The following TENM3 variants were observed in gnomAD, a reference collection of about 807,000 sequenced individuals.
TENM3 encodes teneurin transmembrane protein 3, also known as teneurin-3.
In TENM3, 63 loss-of-function variants were observed where a neutral mutation model predicts 255.1. The ratio of observed to expected loss-of-function variants is 0.25; its 90% CI spans 0.20 to 0.30. TENM3 has a LOEUF of 0.30. TENM3 is among the 10% of genes least tolerant of loss of function. The probability of loss-of-function intolerance (pLI) is 1.00; values close to 1 mark genes in which losing one functional copy is unlikely to be tolerated. For missense variants in TENM3, 2,929 were observed against 3,461.1 expected, an observed-to-expected ratio of 0.85 and a Z score of 3.86; for synonymous variants, 1,306 against 1,322.3, an observed-to-expected ratio of 0.99 and a Z score of 0.27.
chr4:181,852,786 A>G, the TENM3 span, among the ~76,000 whole-genome samples: 55 of 152,352 alleles, frequency 3.6e-4, 1 homozygote, highest in Non-Finnish European at 7.1e-4. Flanking sequence ...AGTTGCTATT[A>G]TAATCCTGGT....
intron 1 of TENM3, among the ~76,000 whole-genome samples, chr4:182,264,537 G>A (rs1047859212): frequency 2.0e-5 from 3 of 152,168 alleles, no homozygotes; most frequent in Non-Finnish European, 2.9e-5. Flanking sequence ...CTCCTTCTGG[G>A]AAAAAAGACA....
chr4:182,136,138 G>A, the TENM3 span, among the ~76,000 whole-genome samples: 39 of 152,030 alleles, frequency 2.6e-4, no homozygotes, highest in Non-Finnish European at 4.4e-5. Context: ...TGTAGTTTTG[G>A]AAAGCTGGTA....
At chr4:181,994,192 T>C in the TENM3 span, among the ~76,000 whole-genome samples, 1 of 152,188 alleles carries the variant, frequency 6.6e-6, no homozygotes, top group East Asian at 1.9e-4. Context: ...TGCATTGTTT[T>C]ACAATAAGCA....
chr4:182,110,443 G>A, the TENM3 span, among the ~76,000 whole-genome samples: 4 of 151,896 alleles, frequency 2.6e-5, no homozygotes, highest in Admixed American at 2.0e-4. Context: ...TCCCTCCTCA[G>A]CCTCCCGAGT....
chr4:182,769,551 A>C (rs904504780), intron 22 of TENM3, among the ~76,000 whole-genome samples: 10 of 151,958 alleles, frequency 6.6e-5, no homozygotes, highest in African/African-American at 2.4e-4. Context: ...TGGGAGGCCG[A>C]GGCGGGAGGA....
At chr4:182,323,076 A>G (rs2150496915) in intron 1 of TENM3, among the ~76,000 whole-genome samples, 1 of 151,766 alleles carries the variant, frequency 6.6e-6, no homozygotes, top group East Asian at 1.9e-4. Context: ...GCCCCGGGCC[A>G]CTCTCCCTCT....
At chr4:182,752,117 C>T (rs1301577273) in intron 20 of TENM3, 85 bp downstream of exon 20, 11 of 857,616 alleles carry the variant, frequency 1.3e-5, no homozygotes, top group African/African-American at 5.7e-5. Context: ...AGTGCCTAGT[C>T]ATGTTTAATG....
At chr4:182,491,318 A>G (rs1170538686) in intron 3 of TENM3, among the ~76,000 whole-genome samples, 1 of 152,106 alleles carries the variant, frequency 6.6e-6, no homozygotes, top group East Asian at 1.9e-4. Flanking sequence ...TCCCTAATGT[A>G]TGTCACTGAA....
Position 182,232,132 on chromosome 4 carries a change from G to A in TENM3, c.-76+87378G>A, listed in dbSNP as rs146872775. Among the ~76,000 whole-genome samples the A allele has an allele frequency of 2.6e-4, 39 of 152,196 alleles. 1 individual carries two copies. The South Asian group carries it at 4.2e-3, about 16-fold the overall frequency. The stretch of plus-strand genomic sequence containing the variant: ...TTTGGAAAAATTAATTGTTGGTAGC[G>A]TATATACAAATGTCTATTCCGGGAA... On this transcript the variant is annotated intron_variant, in intron 1 of 2. Coordinates refer to the TENM3 transcript ENST00000512480.
intron 1 of TENM3, among the ~76,000 whole-genome samples, chr4:182,314,038 C>T (rs184374012): frequency 6.6e-6 from 1 of 152,196 alleles, no homozygotes; most frequent in East Asian, 1.9e-4. Context: ...GCTGGCTGGG[C>T]GTGGTGGCTC....
the TENM3 span, among the ~76,000 whole-genome samples, chr4:181,676,057 T>A: frequency 1.3e-5 from 2 of 151,188 alleles, no homozygotes; most frequent in African/African-American, 4.9e-5. Context: ...ACTCTTAAAG[T>A]GTTATGTGGG....
chr4:182,773,408 A>G, intron 22 of TENM3, 64 bp from the exon 23 acceptor site: 2 of 1,423,692 alleles, frequency 1.4e-6, no homozygotes, highest in Non-Finnish European at 1.9e-6. Flanking sequence ...TACACATTAT[A>G]TTTATAAGTC....
At chr4:181,888,532 A>ATATATATC in the TENM3 span, among the ~76,000 whole-genome samples, 1 of 78,750 alleles carries the variant, frequency 1.3e-5, no homozygotes. Flanking sequence ...ATATACATAT[A>ATATATATC]TGTGTATATA....
chr4:181,986,682 A>T, the TENM3 span, among the ~76,000 whole-genome samples: 1,052 of 152,046 alleles, frequency 6.9e-3, 11 homozygotes, highest in African/African-American at 0.024. Flanking sequence ...TCCCCCTGTC[A>T]TCTATGTGTA....
chr4:181,646,046 A>C, the TENM3 span, among the ~76,000 whole-genome samples: 1 of 152,200 alleles, frequency 6.6e-6, no homozygotes, highest in African/African-American at 2.4e-5. Flanking sequence ...ATGGACACGC[A>C]CATTTGTGCA....
chr4:181,542,341 T>C, the TENM3 span, among the ~76,000 whole-genome samples: 1 of 152,140 alleles, frequency 6.6e-6, no homozygotes, highest in Non-Finnish European at 1.5e-5. Context: ...ATCTAAATCC[T>C]GTATGGGGCG....
chr4:182,108,817 C>T, the TENM3 span, among the ~76,000 whole-genome samples: 1 of 152,144 alleles, frequency 6.6e-6, no homozygotes, highest in Admixed American at 6.5e-5. Flanking sequence ...AAGTCTTTCA[C>T]TGTAAATCAT....
At chr4:182,335,361 G>A (rs35703521) in intron 2 of TENM3, among the ~76,000 whole-genome samples, 2 of 143,694 alleles carry the variant, frequency 1.4e-5, no homozygotes, top group African/African-American at 2.6e-5. Flanking sequence ...CGGGCGCGGT[G>A]GCAGGCGCCT....
intron 3 of TENM3, among the ~76,000 whole-genome samples, chr4:182,569,091 T>C (rs1462664766): frequency 1.3e-5 from 2 of 152,192 alleles, no homozygotes; most frequent in African/African-American, 4.8e-5. Context: ...GCACACACAG[T>C]TGTCAAATTT....
Sources: gnomAD v4.1 joint callset for allele counts (sites outside exome capture counted in the v4.1 genomes callset) on GRCh38, gnomAD v4.1.1 for gene constraint, MANE v1.5 for transcripts, NCBI Gene and HGNC (gene_info 2026-07-23, HGNC 2026-07-21) for gene names.